The following BMS1 variants were observed in gnomAD, a reference collection of about 807,000 sequenced individuals.
BMS1 encodes BMS1 ribosome biogenesis factor.
In BMS1, 53 loss-of-function variants were observed where a neutral mutation model predicts 138.7. That is an observed-to-expected ratio of 0.38 (90% CI 0.31 to 0.48). The LOEUF is 0.48. BMS1 is among the 20% of genes least tolerant of loss of function. The probability of loss-of-function intolerance (pLI) is 0.97; values close to 1 mark genes in which losing one functional copy is unlikely to be tolerated. For missense variants in BMS1, 1,360 were observed against 1,565.5 expected, an observed-to-expected ratio of 0.87 and a Z score of 2.22; for synonymous variants, 504 against 539.9, an observed-to-expected ratio of 0.93 and a Z score of 0.92.
At chr10:42,811,955 A>T (rs997669348) in intron 13 of BMS1, among the ~76,000 whole-genome samples, 1 of 152,182 alleles carries the variant, frequency 6.6e-6, no homozygotes, top group African/African-American at 2.4e-5. Context: ...TTCTAGCTTG[A>T]TTATATTATG....
At chr10:42,792,392 A>G (rs994134460) in intron 6 of BMS1, 101 bp from the exon 7 acceptor site, 1 of 1,471,676 alleles carries the variant, frequency 6.8e-7, no homozygotes, top group African/African-American at 1.4e-5. Flanking sequence ...TTTCTAAATG[A>G]CGTGCTTAAT....
chr10:42,794,363 T>A (rs1364960357), intron 9 of BMS1, among the ~76,000 whole-genome samples: 1 of 152,072 alleles, frequency 6.6e-6, no homozygotes. Context: ...TCTCTGAAAG[T>A]TTTATTTAGA....
intron 1 of BMS1, among the ~76,000 whole-genome samples, chr10:42,783,740 C>T (rs551125959): frequency 6.6e-6 from 1 of 152,138 alleles, no homozygotes; most frequent in African/African-American, 2.4e-5. Flanking sequence ...CTATCTCACA[C>T]GTACAGCTAT....
rs1156967652 is a variant in BMS1 at position 42,817,572 on chromosome 10, C to T, written c.2580+78C>T. The T allele has an allele frequency of 2.9e-6, 4 of 1,400,072 alleles. No individual in the cohort carries two copies. In the African/African-American group the frequency reaches 5.8e-5, roughly 20 times the overall value. The allele number at this position is 1,400,072 out of a possible 1,614,324, so 86.7% of individuals were successfully genotyped here. A position where few individuals can be genotyped will look rare whatever the true frequency, so the allele number is the denominator to read the frequency against. ...GGAATCCCTGACTTTGTTTGGGTCC[C>T]TACGTCCTATCCTGCTTCTGTGTAT... On this transcript the variant is annotated intron_variant, in intron 15 of 22. Coordinates refer to ENST00000374518, the MANE Select transcript of BMS1 (RefSeq NM_014753.4).
intron 21 of BMS1, among the ~76,000 whole-genome samples, chr10:42,829,838 C>CA (rs71014301): frequency 4.0e-5 from 6 of 151,640 alleles, no homozygotes; most frequent in Non-Finnish European, 7.4e-5. Flanking sequence ...CAAAACAAAA[C>CA]AAAAAAAACA....
At chr10:42,805,490 A>C (rs1346733033) in intron 13 of BMS1, among the ~76,000 whole-genome samples, 1 of 152,152 alleles carries the variant, frequency 6.6e-6, no homozygotes, top group Admixed American at 6.5e-5. Flanking sequence ...TTTTCATATA[A>C]ATTTTAAGAT....
At chr10:42,817,292 A>G (rs1422297089) in intron 14 of BMS1, 26 bp from the exon 15 acceptor site, 1 of 1,521,930 alleles carries the variant, frequency 6.6e-7, no homozygotes, top group African/African-American at 1.4e-5. Context: ...AAACATACAC[A>G]AAATTTTTTC....
chr10:42,802,201 A>T lies in BMS1; in HGVS notation c.2312A>T (p.Lys771Met). 6.2e-7 allele frequency: 1 copy of T among 1,613,462 alleles called. No individual in the cohort carries two copies. The highest frequency in any genetic ancestry group is 8.5e-7 in the Non-Finnish European group (1 of 1,179,622). Residue 771 changes from lysine to methionine, a missense_variant, in exon 13 of 23, where the codon AAG becomes ATG. Physicochemically the swap from Lys to Met is moderately conservative, Grantham distance 95. Around this residue, in one of 3 missense-constraint regions of BMS1, gnomAD observed 697 missense variants for 686.2 expected, o/e 1.02. Transcript: ENST00000374518. ...GKWEDDKDAA[K>M]VLAEDEELYG... ...TGGGAAGATGATAAAGATGCAGCCA[A>T]GGTCTTAGCAGAAGATGGTAAGTAA...
intron 13 of BMS1, among the ~76,000 whole-genome samples, chr10:42,802,701 G>A (rs1482994521): frequency 6.6e-6 from 1 of 150,866 alleles, no homozygotes; most frequent in African/African-American, 2.4e-5. Flanking sequence ...TTTGGCAGGA[G>A]GATTGCTTAA....
chr10:42,830,818 G>T, intron 22 of BMS1, 48 bp from the exon 23 acceptor site: 1 of 1,504,536 alleles, frequency 6.6e-7, no homozygotes, highest in Non-Finnish European at 9.1e-7. Context: ...ATGCGAGTGT[G>T]TGGTGTCTGA....
chr10:42,794,127 C>T (rs1789901589), intron 9 of BMS1, 136 bp downstream of exon 9: 1 of 930,810 alleles, frequency 1.1e-6, no homozygotes, highest in Non-Finnish European at 1.6e-6. Context: ...GTGCATGTGT[C>T]TCTGAGGGCT....
rs1842833058 is a variant in BMS1 at position 42,833,559 on chromosome 10, G to T, written c.*2463G>T. 1 of 152,340 alleles carries T rather than the reference G, an allele frequency of 6.6e-6. No individual in the cohort carries two copies. Among genetic ancestry groups the T allele is most frequent in the Middle Eastern group, 3.4e-3 (1 of 294 alleles). The allele number at this position is 152,340 out of a possible 1,614,324, so 9.4% of individuals were successfully genotyped here. On this transcript the variant is annotated 3_prime_UTR_variant, in exon 23 of 23. Coordinates refer to ENST00000374518, the MANE Select transcript of BMS1 (RefSeq NM_014753.4). ...GTGACTGTACTGACTACTGTAGGCA[G>T]TTGTAACACAGTGGTAAACATTTGT...
rs1842841130 is a variant in BMS1 at position 42,834,241 on chromosome 10, ATTG to A, written c.*3148_*3150del. ...GGTTTCCTATTTGTGGATGTACTAG[ATTG>A]TTTTCTTTTTTTAACAAAACCTGTG... is the stretch of plus-strand genomic sequence containing the variant. On this transcript the variant is annotated 3_prime_UTR_variant, in exon 23 of 23. Coordinates refer to ENST00000374518, the MANE Select transcript of BMS1 (RefSeq NM_014753.4). 7.0e-6 allele frequency: 1 copy of A among 143,782 alleles called. No individual in the cohort carries two copies. The highest frequency in any genetic ancestry group is 2.2e-4 in the South Asian group (1 of 4,648). 8.9% of individuals were successfully genotyped at this position (143,782 alleles called of 1,614,324 possible).
At chr10:42,830,658 G>A (rs1842777110) in intron 22 of BMS1, among the ~76,000 whole-genome samples, 1 of 152,088 alleles carries the variant, frequency 6.6e-6, no homozygotes, top group South Asian at 2.1e-4. Context: ...GCTGCACACA[G>A]TGTCCACAGA....
rs191270965 is a variant in BMS1 at position 42,811,475 on chromosome 10, A to T, written c.2330-5124A>T. On this transcript the variant is annotated intron_variant, in intron 13 of 22. Coordinates refer to ENST00000374518, the MANE Select transcript of BMS1 (RefSeq NM_014753.4). Reference sequence around the variant, plus strand: ...CATTTAGTGTTTAAATTTCCTTCTCAGTACTGCTGAGCTGTACCCCACAAA... The same window carrying T: ...CATTTAGTGTTTAAATTTCCTTCTCTGTACTGCTGAGCTGTACCCCACAAA... Among the ~76,000 whole-genome samples the T allele has an allele frequency of 4.2e-3, 624 of 148,698 alleles. 6 individuals are homozygous for T. Among genetic ancestry groups the T allele is most frequent in the Non-Finnish European group, 6.2e-3 (418 of 67,300 alleles).
In BMS1 at chr10:42,798,600, C is replaced by T. The variant is rs545682102; in HGVS notation, c.2222C>T (p.Ala741Val). Reference protein sequence around the residue: ...SLDCSRFLVEAPHDWDLEEVM... With the variant: ...SLDCSRFLVEVPHDWDLEEVM... ...GACTGCTCCAGATTTCTTGTGGAGGCCCCCCATGACTGGGATTTAGAGGAG... is the reference window on the plus strand; with the variant it reads ...GACTGCTCCAGATTTCTTGTGGAGGTCCCCCATGACTGGGATTTAGAGGAG... The change falls in exon 12 of 23, where the codon GCC becomes GTC. Residue 741 changes from alanine (A) to valine (V), a missense_variant. By Grantham distance (64) the Ala-to-Val change is moderately conservative. Around this residue, in one of 3 missense-constraint regions of BMS1, gnomAD observed 697 missense variants for 686.2 expected, o/e 1.02. Coordinates refer to ENST00000374518, the MANE Select transcript of BMS1 (RefSeq NM_014753.4). 3 of 1,614,062 alleles carry T rather than the reference C, an allele frequency of 1.9e-6. No individual in the cohort carries two copies. Among genetic ancestry groups the T allele is most frequent in the Non-Finnish European group, 1.7e-6 (2 of 1,180,026 alleles).
At chr10:42,803,754 C>T (rs1010896814) in intron 13 of BMS1, among the ~76,000 whole-genome samples, 1 of 152,128 alleles carries the variant, frequency 6.6e-6, no homozygotes, top group Non-Finnish European at 1.5e-5. Context: ...TTAATCACTT[C>T]AGTGAGGTAT....
chr10:42,787,869 C>G (rs1841385511), intron 4 of BMS1, among the ~76,000 whole-genome samples: 1 of 152,130 alleles, frequency 6.6e-6, no homozygotes, highest in African/African-American at 2.4e-5. Flanking sequence ...TGTAAATGCT[C>G]TTGCATTTAT....
intron 15 of BMS1, 45 bp downstream of exon 15, chr10:42,817,539 A>G: frequency 6.4e-7 from 1 of 1,552,168 alleles, no homozygotes; most frequent in Non-Finnish European, 8.7e-7. Flanking sequence ...AGACTATCAT[A>G]TAGCGCAGGA....
Sources: gnomAD v4.1 joint callset for allele counts (sites outside exome capture counted in the v4.1 genomes callset) on GRCh38, gnomAD v4.1.1 for gene constraint, gnomAD v4.1.1 regional missense constraint, MANE v1.5 for transcripts, NCBI Gene and HGNC (gene_info 2026-07-23, HGNC 2026-07-21) for gene names.